NHSL1: variants seen among roughly 807,000 people sequenced by gnomAD.
NHSL1 encodes the protein NHS like 1.
A neutral mutation model predicts 95.0 loss-of-function variants in NHSL1; 48 were observed. The ratio of observed to expected loss-of-function variants is 0.51; its 90% CI spans 0.40 to 0.64. The LOEUF is 0.64. Ranked by LOEUF, NHSL1 falls within the 30% of genes least tolerant of loss-of-function variation. The pLI is 0.00. For synonymous variants in NHSL1, 783 were observed against 833.9 expected (o/e 0.94, Z 1.05); for missense variants, 1,971 against 2,077.7 (o/e 0.95, Z 1.00).
At chr6:138,480,469 GA>G (rs1415311313) in intron 2 of NHSL1, among the ~76,000 whole-genome samples, 1 of 152,182 alleles carries the variant, frequency 6.6e-6, no homozygotes, top group Non-Finnish European at 1.5e-5. Flanking sequence ...ACTGCAGTGT[GA>G]AAAGCCAGAA....
chr6:138,637,441 C>T (rs151335226), intron 1 of NHSL1, among the ~76,000 whole-genome samples: 136 of 152,260 alleles, frequency 8.9e-4, no homozygotes, highest in African/African-American at 3.2e-3. Context: ...ATGATACAAT[C>T]AACAAAGTGA....
chr6:138,424,772 T>C lies in NHSL1; in HGVS notation c.4130A>G (p.His1377Arg). The C allele has an allele frequency of 1.9e-6, 3 of 1,550,794 alleles. No homozygotes were observed. Among genetic ancestry groups the C allele is most frequent in the Non-Finnish European group, 2.6e-6 (3 of 1,146,726 alleles). Residue 1377 changes from histidine (H) to arginine (R), a missense_variant, in exon 8 of 8, where the codon CAC becomes CGC. His to Arg is a conservative substitution (Grantham distance 29). Around this residue, in one of 3 missense-constraint regions of NHSL1, gnomAD observed 146 missense variants for 206.3 expected, o/e 0.71. Transcript: ENST00000343505. The surrounding 1 kb of genome is among the most constrained non-coding windows in gnomAD (Gnocchi z 5.9). ...VLGRRDSDDD[H>R]SRNHSPSPPV... ...CGGGGAGGGAGAATGGTTTCGGGAG[T>C]GGTCATCATCTGAATCTCTACGGCC... is the stretch of plus-strand genomic sequence containing the variant.
chr6:138,654,265 T>A (rs1282826537), intron 1 of NHSL1, among the ~76,000 whole-genome samples: 1 of 152,196 alleles, frequency 6.6e-6, no homozygotes, highest in Admixed American at 6.5e-5. Context: ...TTTCTTAATA[T>A]GCTTGCAAAA....
intron 1 of NHSL1, among the ~76,000 whole-genome samples, chr6:138,523,183 C>T (rs371150582): frequency 1.2e-4 from 18 of 151,900 alleles, no homozygotes; most frequent in South Asian, 2.1e-4. Flanking sequence ...TAAAGTTTTG[C>T]GGCACACCAA....
In NHSL1 at chr6:138,437,445, C is replaced by CACA. The variant is rs1434317225; in HGVS notation, c.665-3766_665-3765insTGT. Among the ~76,000 whole-genome samples the CACA allele has an allele frequency of 3.2e-4, 20 of 61,810 alleles. 2 individuals are homozygous for CACA. Among genetic ancestry groups the CACA allele is most frequent in the Admixed American group, 1.0e-3 (5 of 4,916 alleles). The allele number at this position is 61,810 out of a possible 152,430, so 40.5% of individuals were successfully genotyped here. On this transcript the variant is annotated intron_variant, in intron 5 of 7. Coordinates refer to ENST00000343505, the MANE Select transcript of NHSL1 (RefSeq NM_001144060.2). ...ACACACACACACACACACACACACA[C>CACA]AAAAAAAAAAAAAAAAAATACAATG... is the stretch of plus-strand genomic sequence containing the variant.
intron 4 of NHSL1, among the ~76,000 whole-genome samples, chr6:138,445,047 T>C (rs1436755364): frequency 1.3e-5 from 2 of 152,208 alleles, no homozygotes; most frequent in African/African-American, 2.4e-5. Flanking sequence ...AATTCATCTC[T>C]ACTTAGTCAT....
intron 1 of NHSL1, among the ~76,000 whole-genome samples, chr6:138,673,170 A>T (rs900819991): frequency 6.6e-6 from 1 of 152,136 alleles, no homozygotes; most frequent in Non-Finnish European, 1.5e-5. Context: ...CAGTAACTTG[A>T]TTGGAATTTC....
At chr6:138,691,146 A>G (rs1785661538) in intron 1 of NHSL1, among the ~76,000 whole-genome samples, 1 of 152,250 alleles carries the variant, frequency 6.6e-6, no homozygotes, top group Non-Finnish European at 1.5e-5. Context: ...TACCATATGC[A>G]TGAAGTCATC....
chr6:138,444,633 A>G (rs1372937300), intron 4 of NHSL1, among the ~76,000 whole-genome samples: 1 of 151,688 alleles, frequency 6.6e-6, no homozygotes, highest in Non-Finnish European at 1.5e-5. Context: ...TAGAGGCTCA[A>G]TGCTCACCCC....
chr6:138,538,957 T>TA (rs1782472118), intron 1 of NHSL1, among the ~76,000 whole-genome samples: 1 of 152,152 alleles, frequency 6.6e-6, no homozygotes, highest in African/African-American at 2.4e-5. Flanking sequence ...TCCCCCAAGT[T>TA]AAACCCACAG....
rs1562270387 is a variant in NHSL1, at chr6:138,437,365, T to TATATATATACAC, written c.665-3686_665-3685insGTGTATATATAT. ...ATACACATATATATATACACATATATATATATACACATATATATATACACA... is the reference window on the plus strand; with the variant it reads ...ATACACATATATATATACACATATATATATATATACACATATATACACATATATATATACACA... On this transcript the variant is annotated intron_variant, in intron 5 of 7. Coordinates refer to ENST00000343505, the MANE Select transcript of NHSL1 (RefSeq NM_001144060.2). Among the ~76,000 whole-genome samples, 34 of 91,124 alleles carry TATATATATACAC rather than the reference T, an allele frequency of 3.7e-4. 1 individual carries two copies. The highest frequency in any genetic ancestry group is 4.4e-4 in the African/African-American group (9 of 20,284). The allele number at this position is 91,124 out of a possible 152,430, so 59.8% of individuals were successfully genotyped here.
rs1225922097 is a variant in NHSL1 at position 138,433,525 on chromosome 6, G to T, written c.820C>A (p.Pro274Thr). 5 of 1,551,980 alleles carry T rather than the reference G, an allele frequency of 3.2e-6. No individual in the cohort carries two copies. In the South Asian group the frequency reaches 4.8e-5, roughly 15 times the overall value. The change falls in exon 6 of 8, where the codon CCT becomes ACT. Residue 274 changes from proline to threonine, a missense_variant. Coordinates refer to ENST00000343505, the MANE Select transcript of NHSL1 (RefSeq NM_001144060.2). ...CQTEDVKVVP[P>T]SMRRIRAQKG... ...TGTGCCCTGATTCTCCTCATGGAAG[G>T]TGGTACGACCTTCACATCCTCCGTC...
At chr6:138,576,387 T>TGAACACACAATAGCTAAGAC (rs1399915152), upstream of NHSL1, among the ~76,000 whole-genome samples, 2 of 152,228 alleles carry the variant, frequency 1.3e-5, no homozygotes, top group Admixed American at 6.5e-5. Flanking sequence ...GCTATTTTTC[T>TGAACACACAATAGCTAAGAC]CCAAGAAAAC....
chr6:138,692,409 C>T lies in NHSL1; in HGVS notation c.96+67G>A. The T allele has an allele frequency of 3.9e-6, 1 of 257,194 alleles. No homozygotes were observed. Among genetic ancestry groups the T allele is most frequent in the Non-Finnish European group, 7.6e-6 (1 of 132,288 alleles). The allele number at this position is 257,194 out of a possible 1,614,324, so 15.9% of individuals were successfully genotyped here. A position where few individuals can be genotyped will look rare whatever the true frequency, so the allele number is the denominator to read the frequency against. On this transcript the variant is annotated intron_variant, in intron 1 of 3. Transcript: ENST00000491526. This position sits in a 1 kb window ranked among gnomAD's most constrained non-coding sequence, Gnocchi z 4.0. ...GCGCCGACCCAGGGCCGCCAGGGGG[C>T]GGGCGGGAGCAGCTCTCCGGGTGCC...
At chr6:138,578,382 C>T (rs916865932) in intron 1 of NHSL1, among the ~76,000 whole-genome samples, 10 of 152,168 alleles carry the variant, frequency 6.6e-5, no homozygotes. Context: ...AAAGAAGCCG[C>T]CACTGACACA....
At chr6:138,686,745 A>G (rs1249572200) in intron 1 of NHSL1, among the ~76,000 whole-genome samples, 2 of 152,178 alleles carry the variant, frequency 1.3e-5, no homozygotes, top group East Asian at 3.9e-4. Flanking sequence ...AGGTCTCCCA[A>G]TTCCTAATCC....
upstream of NHSL1, among the ~76,000 whole-genome samples, chr6:138,575,678 C>T (rs1334038889): frequency 6.6e-6 from 1 of 152,176 alleles, no homozygotes; most frequent in Non-Finnish European, 1.5e-5. Context: ...TGGTTTAAAT[C>T]AGCTTTGTAG....
At chr6:138,507,074 T>G (rs939749192) in intron 1 of NHSL1, among the ~76,000 whole-genome samples, 1 of 152,198 alleles carries the variant, frequency 6.6e-6, no homozygotes, top group Non-Finnish European at 1.5e-5. Context: ...CTATCTTTCT[T>G]TGTCAGTTTT....
chr6:138,662,963 A>G (rs1043250894), intron 1 of NHSL1, among the ~76,000 whole-genome samples: 1 of 151,568 alleles, frequency 6.6e-6, no homozygotes, highest in African/African-American at 2.4e-5. Context: ...AAAAATGGTT[A>G]CCTGTGACCC....
Sources: allele counts gnomAD v4.1 joint callset (sites outside exome capture counted in the v4.1 genomes callset), GRCh38; gene constraint gnomAD v4.1.1; regional missense constraint gnomAD v4.1.1; non-coding constraint Gnocchi (gnomAD v3.1); transcripts MANE v1.5; gene names NCBI Gene and HGNC (gene_info 2026-07-23, HGNC 2026-07-21).